The following NEK1 variants were observed in gnomAD, a reference collection of about 807,000 sequenced individuals.
NEK1 encodes NIMA related kinase 1, also known as serine/threonine-protein kinase Nek1.
NEK1 carries 137 observed loss-of-function variants against 182.1 expected under a neutral mutation model. That is an observed-to-expected ratio of 0.75 (90% CI 0.65 to 0.87). The LOEUF (loss-of-function observed/expected upper bound fraction) is 0.87. NEK1 is among the 40% of genes least tolerant of loss of function. The pLI is 0.00. For synonymous variants in NEK1, 513 were observed against 492.2 expected (o/e 1.04, Z -0.56); for missense variants, 1,391 against 1,494.4 (o/e 0.93, Z 1.14).
chr4:169,608,023 T>C (rs776210860), intron 2 of NEK1, among the ~76,000 whole-genome samples: 16 of 151,984 alleles, frequency 1.1e-4, no homozygotes, highest in Non-Finnish European at 1.8e-4. Flanking sequence ...TCATTCCTAA[T>C]CTCTACAGTT....
intron 28 of NEK1, among the ~76,000 whole-genome samples, chr4:169,437,620 G>A (rs144008382): frequency 5.3e-5 from 8 of 152,072 alleles, no homozygotes; most frequent in African/African-American, 1.9e-4. Flanking sequence ...TGTGAGCCCC[G>A]GGCCATCACA....
At chr4:169,501,770 C>T (rs930992679) in intron 23 of NEK1, among the ~76,000 whole-genome samples, 1 of 152,058 alleles carries the variant, frequency 6.6e-6, no homozygotes, top group African/African-American at 2.4e-5. Context: ...GGAAAGTTTA[C>T]AGCATTAAAT....
chr4:169,449,146 T>A (rs113235127), intron 27 of NEK1, among the ~76,000 whole-genome samples: 3 of 152,330 alleles, frequency 2.0e-5, no homozygotes, highest in African/African-American at 7.2e-5. Flanking sequence ...TAAACAAAGC[T>A]GCCCAGAAGT....
intron 23 of NEK1, among the ~76,000 whole-genome samples, chr4:169,483,546 T>A (rs1329239270): frequency 6.6e-6 from 1 of 152,116 alleles, no homozygotes; most frequent in Non-Finnish European, 1.5e-5. Context: ...TCAGTATTAT[T>A]GAAAAAGTAT....
At chr4:169,571,360 A>G (rs1764824597) in intron 12 of NEK1, among the ~76,000 whole-genome samples, 1 of 152,166 alleles carries the variant, frequency 6.6e-6, no homozygotes, top group Admixed American at 6.5e-5. Context: ...CCCTACCCTC[A>G]TGAATTTCTG....
Position 169,589,322 on chromosome 4 carries a change from C to T in NEK1, c.464+125G>A, listed in dbSNP as rs528386258. 1.2e-5 allele frequency: 8 copies of T among 667,260 alleles called. No individual in the cohort carries two copies. In the Admixed American group the frequency reaches 2.5e-4, roughly 21 times the overall value. 41.3% of individuals were successfully genotyped at this position (667,260 alleles called of 1,614,324 possible). On this transcript the variant is annotated intron_variant, in intron 7 of 35. Transcript: ENST00000507142. The stretch of plus-strand genomic sequence containing the variant: ...AATGATGCCTTTCTCAGAACATGTC[C>T]CAATAAAGCAACATCCCAGTAAAGA...
chr4:169,529,347 G>A (rs1189301092), intron 19 of NEK1, among the ~76,000 whole-genome samples: 1 of 152,126 alleles, frequency 6.6e-6, no homozygotes, highest in Non-Finnish European at 1.5e-5. Context: ...CATTGTGAAT[G>A]TACTTAATGC....
At chr4:169,451,985 T>A (rs4692731) in intron 27 of NEK1, among the ~76,000 whole-genome samples, 122,074 of 152,180 alleles carry the variant, frequency 0.8, 49,202 homozygotes, top group East Asian at 0.96. Context: ...ACAAACTACC[T>A]TCAGAGAATA....
chr4:169,498,267 C>G (rs1484344709), intron 23 of NEK1, among the ~76,000 whole-genome samples: 1 of 152,192 alleles, frequency 6.6e-6, no homozygotes, highest in East Asian at 1.9e-4. Context: ...GTAGCTCTTC[C>G]TCCATCCCTT....
At chr4:169,466,213 C>T (rs943260932) in intron 26 of NEK1, among the ~76,000 whole-genome samples, 1 of 151,978 alleles carries the variant, frequency 6.6e-6, no homozygotes, top group Non-Finnish European at 1.5e-5. Flanking sequence ...GTCCATTGAA[C>T]TCGTCCATTC....
chr4:169,486,740 G>A (rs1048361310), intron 23 of NEK1, among the ~76,000 whole-genome samples: 1 of 152,222 alleles, frequency 6.6e-6, no homozygotes, highest in Non-Finnish European at 1.5e-5. Context: ...GAAGCAATGA[G>A]TGTGTACACC....
intron 5 of NEK1, among the ~76,000 whole-genome samples, chr4:169,593,447 C>T (rs186690012): frequency 4.7e-4 from 72 of 152,182 alleles, no homozygotes; most frequent in African/African-American, 1.7e-3. Flanking sequence ...GGGAGTAATG[C>T]CCTGAGTTGA....
chr4:169,609,590 T>C (rs1771965727), intron 2 of NEK1, among the ~76,000 whole-genome samples: 1 of 152,150 alleles, frequency 6.6e-6, no homozygotes, highest in Non-Finnish European at 1.5e-5. Context: ...CAGTTACTCA[T>C]ATATGTGTAT....
At chr4:169,511,631 A>G (rs2149707971) in intron 19 of NEK1, among the ~76,000 whole-genome samples, 1 of 152,202 alleles carries the variant, frequency 6.6e-6, no homozygotes, top group South Asian at 2.1e-4. Context: ...AAACCAGGAA[A>G]CTGACATTGA....
At chr4:169,578,827 T>A (rs140514210) in intron 11 of NEK1, among the ~76,000 whole-genome samples, 217 of 152,296 alleles carry the variant, frequency 1.4e-3, no homozygotes, top group African/African-American at 4.2e-3. Context: ...TACGACGTGA[T>A]AGGGTAAGGT....
chr4:169,473,182 T>C (rs530413254), intron 26 of NEK1, among the ~76,000 whole-genome samples: 19 of 151,300 alleles, frequency 1.3e-4, no homozygotes, highest in African/African-American at 1.9e-4. Context: ...AGGAGGATCA[T>C]TTGAGCCCAG....
chr4:169,513,155 T>G (rs760359917), intron 19 of NEK1, among the ~76,000 whole-genome samples: 1 of 152,316 alleles, frequency 6.6e-6, no homozygotes, highest in Non-Finnish European at 1.5e-5. Flanking sequence ...TAGTAAGAAT[T>G]GCATTATCTC....
intron 18 of NEK1, among the ~76,000 whole-genome samples, chr4:169,542,035 T>C (rs1035094236): frequency 1.3e-5 from 2 of 152,164 alleles, no homozygotes; most frequent in Non-Finnish European, 2.9e-5. Flanking sequence ...CTCTTTTTGT[T>C]TTATTACACT....
chr4:169,438,075 G>A lies in NEK1; in HGVS notation c.2764+8C>T, dbSNP rs1443371707. 16 of 1,605,854 alleles carry A rather than the reference G, an allele frequency of 1.0e-5. No homozygotes were observed. Among genetic ancestry groups the A allele is most frequent in the Non-Finnish European group, 1.4e-5 (16 of 1,175,530 alleles). ...AAATATAGCTCATTTTGACTCATTA[G>A]AACATACCTTCTAAATTTCCTTCCA... On this transcript the variant is annotated splice_region_variant and intron_variant, in intron 28 of 35. Coordinates refer to ENST00000507142, the MANE Select transcript of NEK1 (RefSeq NM_001199397.3).
Sources: allele counts gnomAD v4.1 joint callset (sites outside exome capture counted in the v4.1 genomes callset), GRCh38; gene constraint gnomAD v4.1.1; transcripts MANE v1.5; gene names NCBI Gene and HGNC (gene_info 2026-07-23, HGNC 2026-07-21).